The following GPR89B variants were observed in gnomAD, a reference collection of about 807,000 sequenced individuals.
GPR89B encodes G protein-coupled receptor 89B.
Under a neutral mutation model 52.4 loss-of-function variants are expected in GPR89B, and 25 were observed. The observed-to-expected ratio is 0.48, with a 90% CI of 0.35 to 0.67. GPR89B has a LOEUF of 0.67. GPR89B is among the 30% of genes least tolerant of loss of function. The probability of loss-of-function intolerance (pLI) is 0.01; values close to 1 mark genes in which losing one functional copy is unlikely to be tolerated. For missense variants in GPR89B, 146 were observed against 450.2 expected, an observed-to-expected ratio of 0.32 and a Z score of 6.11; for synonymous variants, 52 against 151.2, an observed-to-expected ratio of 0.34 and a Z score of 4.81.
At chr1:147,961,718 C>T (rs1391504919) in intron 7 of GPR89B, among the ~76,000 whole-genome samples, 1 of 152,076 alleles carries the variant, frequency 6.6e-6, no homozygotes, top group East Asian at 1.9e-4. Context: ...TTTAAATACA[C>T]TACTTACAAT....
At chr1:147,937,249 T>G (rs1242155603) in intron 2 of GPR89B, among the ~76,000 whole-genome samples, 2 of 151,624 alleles carry the variant, frequency 1.3e-5, no homozygotes, top group African/African-American at 4.9e-5. Flanking sequence ...CAAGTTTTTA[T>G]TAGGGATTTC....
chr1:147,990,031 A>G (rs1658947113), intron 12 of GPR89B, among the ~76,000 whole-genome samples: 2 of 152,246 alleles, frequency 1.3e-5, no homozygotes, highest in African/African-American at 2.4e-5. Flanking sequence ...TCCTTGAGGA[A>G]TCGCCACACT....
At chr1:147,991,690 A>C (rs1167897634) in intron 12 of GPR89B, among the ~76,000 whole-genome samples, 2 of 152,184 alleles carry the variant, frequency 1.3e-5, no homozygotes, top group Admixed American at 1.3e-4. Flanking sequence ...CCTTTTCTGC[A>C]TCTATTGAGA....
chr1:147,992,038 A>G (rs1165999457), intron 12 of GPR89B, among the ~76,000 whole-genome samples: 1 of 151,834 alleles, frequency 6.6e-6, no homozygotes, highest in Non-Finnish European at 1.5e-5. Flanking sequence ...ACGGAGGTGG[A>G]AAGTGAGTCC....
At chr1:148,002,591 T>G in the GPR89B span, among the ~76,000 whole-genome samples, 1 of 152,130 alleles carries the variant, frequency 6.6e-6, no homozygotes, top group Non-Finnish European at 1.5e-5. Flanking sequence ...GCGTAATTGT[T>G]AGGAGTAATT....
At chr1:147,933,979 A>G (rs1374504136) in intron 1 of GPR89B, among the ~76,000 whole-genome samples, 1 of 151,678 alleles carries the variant, frequency 6.6e-6, no homozygotes, top group Non-Finnish European at 1.5e-5. Context: ...CAGTGATTGG[A>G]CATCCACTCC....
chr1:147,998,331 C>T (rs1659364263), downstream of GPR89B, among the ~76,000 whole-genome samples: 1 of 143,174 alleles, frequency 7.0e-6, no homozygotes, highest in Non-Finnish European at 1.5e-5. Context: ...AACCACAAGA[C>T]CACATCTCCT....
chr1:147,993,942 T>C (rs1439635282), downstream of GPR89B: 1 of 212,676 alleles, frequency 4.7e-6, no homozygotes, highest in Non-Finnish European at 9.5e-6. Flanking sequence ...GATGCTTTTA[T>C]AAGCAGCTGT....
chr1:147,953,235 GAGTT>G (rs1359755852), intron 5 of GPR89B, 106 bp from the exon 6 acceptor site: 19 of 904,794 alleles, frequency 2.1e-5, no homozygotes, highest in Admixed American at 1.3e-4. Context: ...TGGCTTGTAT[GAGTT>G]AGTTATGTGT....
At chr1:147,977,993 C>T (rs1241789714) in intron 10 of GPR89B, among the ~76,000 whole-genome samples, 2 of 151,814 alleles carry the variant, frequency 1.3e-5, no homozygotes, top group East Asian at 3.9e-4. Flanking sequence ...TCTGTCAGTG[C>T]ATCCATCTCA....
downstream of GPR89B, chr1:147,993,982 G>A (rs1659250455): frequency 2.9e-6 from 1 of 349,924 alleles, no homozygotes; most frequent in Non-Finnish European, 5.4e-6. Context: ...ATCATCTTTG[G>A]TGCTCAAGGA....
intron 10 of GPR89B, among the ~76,000 whole-genome samples, chr1:147,971,059 G>T (rs1273011975): frequency 6.6e-6 from 1 of 151,034 alleles, no homozygotes; most frequent in African/African-American, 2.5e-5. Flanking sequence ...TTAAAATCTG[G>T]ATTCATTCAG....
At chr1:147,983,849 A>G (rs1658453289) in intron 10 of GPR89B, among the ~76,000 whole-genome samples, 1 of 152,078 alleles carries the variant, frequency 6.6e-6, no homozygotes, top group South Asian at 2.1e-4. Flanking sequence ...AGGACTATAA[A>G]TCATGTTGCT....
At chr1:148,025,437 C>T in the GPR89B span, among the ~76,000 whole-genome samples, 105 of 139,910 alleles carry the variant, frequency 7.5e-4, no homozygotes, top group Admixed American at 1.7e-3. Flanking sequence ...GCAGGAGTAT[C>T]GTTTGAACCC....
rs1659214018 is a variant in GPR89B, at chr1:147,993,492, T to C, written c.*575T>C. On this transcript the variant is annotated 3_prime_UTR_variant, in exon 14 of 14. Transcript: ENST00000314163. ...CTGTTCTTTTCCGGGAAAGGGGTGG[T>C]ATGCACCTGAAATAGATTTTACCAA... 3 of 177,138 alleles carry C rather than the reference T, an allele frequency of 1.7e-5. No individual in the cohort carries two copies. Among genetic ancestry groups the C allele is most frequent in the Non-Finnish European group, 3.6e-5 (3 of 82,358 alleles). The allele number at this position is 177,138 out of a possible 1,614,324, so 11.0% of individuals were successfully genotyped here.
chr1:147,942,183 A>G (rs1553249042), intron 3 of GPR89B, among the ~76,000 whole-genome samples: 1 of 152,084 alleles, frequency 6.6e-6, no homozygotes, highest in Non-Finnish European at 1.5e-5. Context: ...ATGATATACA[A>G]ATGGCCAGTA....
intron 5 of GPR89B, among the ~76,000 whole-genome samples, chr1:147,949,337 CCGGGCAGAGG>C: frequency 6.7e-6 from 1 of 148,156 alleles, no homozygotes; most frequent in African/African-American, 2.6e-5. Flanking sequence ...GTAGGGGCGG[CCGGGCAGAGG>C]TGCCCCTCAC....
At chr1:147,972,375 A>G (rs1458377904) in intron 10 of GPR89B, among the ~76,000 whole-genome samples, 2,134 of 149,126 alleles carry the variant, frequency 0.014, 24 homozygotes, top group Non-Finnish European at 0.024. Flanking sequence ...TGGCAGATGT[A>G]ATGTTTAACT....
At chr1:147,967,736 G>C (rs1657133301) in intron 8 of GPR89B, 1 of 152,066 alleles carries the variant, frequency 6.6e-6, no homozygotes, top group Non-Finnish European at 1.5e-5. Flanking sequence ...AAGGCAAGAT[G>C]ATTGTGGAAG....
Sources: gnomAD v4.1 joint callset for allele counts (sites outside exome capture counted in the v4.1 genomes callset) on GRCh38, gnomAD v4.1.1 for gene constraint, MANE v1.5 for transcripts, NCBI Gene and HGNC (gene_info 2026-07-23, HGNC 2026-07-21) for gene names.